EYS: variants seen among roughly 807,000 people sequenced by gnomAD.
EYS encodes the protein EGF-like photoreceptor maintenance factor, also known as protein eyes shut homolog.
A neutral mutation model predicts 282.1 loss-of-function variants in EYS; 250 were observed. The observed-to-expected ratio is 0.89, with a 90% CI of 0.80 to 0.98. The LOEUF (loss-of-function observed/expected upper bound fraction) is 0.98, where lower values mean the gene tolerates loss of function less well. Among genes scored for constraint, EYS ranks in the 50% least tolerant of loss-of-function variants. EYS has a pLI of 0.00. For missense variants in EYS, 4,016 were observed against 3,709.0 expected (o/e 1.08, Z -2.15); for synonymous variants, 1,355 against 1,282.9 (o/e 1.06, Z -1.20).
intron 26 of EYS, among the ~76,000 whole-genome samples, chr6:64,492,234 T>C (rs1373877509): frequency 2.6e-5 from 4 of 151,132 alleles, no homozygotes; most frequent in Non-Finnish European, 4.5e-5. Context: ...TTCATAAATA[T>C]AATTAAATAG....
At chr6:64,817,722 C>A (rs72889132) in intron 21 of EYS, among the ~76,000 whole-genome samples, 25,003 of 152,044 alleles carry the variant, frequency 0.16, 2,082 homozygotes, top group Non-Finnish European at 0.18. Context: ...TCTGTTCCTG[C>A]ATTAATTACC....
At chr6:64,426,540 CT>C (rs377205116) in intron 28 of EYS, among the ~76,000 whole-genome samples, 7 of 150,826 alleles carry the variant, frequency 4.6e-5, no homozygotes, top group East Asian at 3.9e-4. Flanking sequence ...ATTTTAAAGC[CT>C]TTTTTTTTCT....
In EYS at chr6:64,988,449, T is replaced by C. The variant is rs181647782; in HGVS notation, c.2259+9133A>G. 4.2e-3 allele frequency among the ~76,000 whole-genome samples: 635 copies of C among 151,584 alleles called. 6 individuals carry two copies. Among genetic ancestry groups the C allele is most frequent in the African/African-American group, 0.015 (602 of 41,452 alleles). ...TGGGCATGAGTATAGACTCTGTGAG[T>C]TTCTTACTCTATGAAAAAATCTAAA... is the stretch of plus-strand genomic sequence containing the variant. On this transcript the variant is annotated intron_variant, in intron 14 of 42. Coordinates refer to ENST00000503581, the MANE Select transcript of EYS (RefSeq NM_001142800.2).
chr6:64,379,295 A>T (rs1340579765), intron 29 of EYS, among the ~76,000 whole-genome samples: 1 of 152,178 alleles, frequency 6.6e-6, no homozygotes, highest in African/African-American at 2.4e-5. Flanking sequence ...CTTGCTGTTG[A>T]GTTACATAGA....
At chr6:64,062,168 T>C (rs1277568602) in intron 33 of EYS, among the ~76,000 whole-genome samples, 1 of 152,124 alleles carries the variant, frequency 6.6e-6, no homozygotes, top group Non-Finnish European at 1.5e-5. Context: ...CAAAAGACCT[T>C]TAAATTCTAA....
intron 35 of EYS, among the ~76,000 whole-genome samples, chr6:63,888,327 CT>C (rs1773318583): frequency 6.6e-6 from 1 of 152,250 alleles, no homozygotes. Context: ...TCCTTGACCC[CT>C]GTGCCTCCTG....
intron 28 of EYS, among the ~76,000 whole-genome samples, chr6:64,432,214 A>G (rs971960190): frequency 6.6e-6 from 1 of 152,120 alleles, no homozygotes; most frequent in African/African-American, 2.4e-5. Flanking sequence ...TTTAGAACTG[A>G]CAGAGTGTTT....
At position 65,495,095 on chromosome 6, in the gene EYS, C is replaced by T; in HGVS notation, c.316G>A (p.Val106Ile). ...CAGCCAACGAAAGATGTTTCAGAAA[C>T]ATTCATCAAATTTATTTCTGGAAAT... ...LQFPEINLMNVSETSFVGCVQ... is the reference protein window; with the variant it reads ...LQFPEINLMNISETSFVGCVQ... Residue 106 changes from valine to isoleucine, a missense_variant, in exon 4 of 43, where the codon GTT (valine) becomes ATT (isoleucine). Coordinates refer to ENST00000503581, the MANE Select transcript of EYS (RefSeq NM_001142800.2). The T allele has an allele frequency of 6.2e-7, 1 of 1,614,192 alleles. No homozygotes were observed. The highest frequency in any genetic ancestry group is 8.5e-7 in the Non-Finnish European group (1 of 1,180,014).
chr6:65,298,782 A>G (rs1042212615), intron 11 of EYS, among the ~76,000 whole-genome samples: 7 of 151,578 alleles, frequency 4.6e-5, no homozygotes, highest in Non-Finnish European at 1.0e-4. Context: ...GTAATATATA[A>G]TGCTCTGAAA....
intron 31 of EYS, among the ~76,000 whole-genome samples, chr6:64,110,852 T>G (rs551795154): frequency 6.5e-4 from 98 of 150,758 alleles, no homozygotes; most frequent in African/African-American, 2.3e-3. Context: ...GAGACAGTAT[T>G]TTGGAAGAAA....
chr6:64,291,199 C>T (rs1243939328), intron 30 of EYS, among the ~76,000 whole-genome samples: 1 of 151,778 alleles, frequency 6.6e-6, no homozygotes, highest in African/African-American at 2.4e-5. Context: ...GGATATGACT[C>T]TTATCAGTGT....
intron 35 of EYS, among the ~76,000 whole-genome samples, chr6:63,926,549 C>T (rs796197291): frequency 3.3e-5 from 5 of 152,152 alleles, no homozygotes; most frequent in East Asian, 1.9e-4. Context: ...TATTAAAGAC[C>T]GAAGGTGAAG....
intron 22 of EYS, among the ~76,000 whole-genome samples, chr6:64,712,334 G>A (rs1451951352): frequency 6.6e-6 from 1 of 152,220 alleles, no homozygotes; most frequent in African/African-American, 2.4e-5. Flanking sequence ...CTTAGTTAAA[G>A]AGATAAGAGT....
At chr6:65,361,203 G>A (rs918105550) in intron 8 of EYS, among the ~76,000 whole-genome samples, 1 of 152,128 alleles carries the variant, frequency 6.6e-6, no homozygotes, top group South Asian at 2.1e-4. Context: ...ACACACCGGG[G>A]CCTGTTGTGA....
At chr6:63,817,752 A>T (rs189567621) in intron 36 of EYS, among the ~76,000 whole-genome samples, 1 of 152,278 alleles carries the variant, frequency 6.6e-6, no homozygotes. Context: ...CACGTAGGGG[A>T]AGCAAATTTA....
chr6:64,156,931 A>G (rs1441926337), intron 31 of EYS, among the ~76,000 whole-genome samples: 1 of 151,862 alleles, frequency 6.6e-6, no homozygotes, highest in Non-Finnish European at 1.5e-5. Flanking sequence ...TTTAGGGTAC[A>G]TGTGCACAAT....
chr6:64,195,469 A>G (rs899201093), intron 31 of EYS, among the ~76,000 whole-genome samples: 12 of 152,060 alleles, frequency 7.9e-5, no homozygotes, highest in South Asian at 6.2e-4. Flanking sequence ...TGCCCTGCCA[A>G]TTTTTGTAGT....
At chr6:64,212,841 A>G (rs1765821208) in intron 31 of EYS, among the ~76,000 whole-genome samples, 1 of 152,202 alleles carries the variant, frequency 6.6e-6, no homozygotes, top group Non-Finnish European at 1.5e-5. Context: ...TCACAATAGC[A>G]AAGACATAGA....
chr6:65,425,926 C>A (rs912461038), intron 5 of EYS, among the ~76,000 whole-genome samples: 7 of 152,004 alleles, frequency 4.6e-5, no homozygotes, highest in Non-Finnish European at 1.0e-4. Flanking sequence ...GTGCATGTAA[C>A]CAAACTGAAG....
Sources: gnomAD v4.1 joint callset for allele counts (sites outside exome capture counted in the v4.1 genomes callset) on GRCh38, gnomAD v4.1.1 for gene constraint, MANE v1.5 for transcripts, NCBI Gene and HGNC (gene_info 2026-07-23, HGNC 2026-07-21) for gene names.